TNRC18: variants seen among roughly 807,000 people sequenced by gnomAD.
The protein encoded by TNRC18 is trinucleotide repeat-containing gene 18 protein.
A neutral mutation model predicts 226.7 loss-of-function variants in TNRC18; 69 were observed. That is an observed-to-expected ratio of 0.30 (90% CI 0.25 to 0.37). TNRC18 has a LOEUF of 0.37. Ranked by LOEUF, TNRC18 falls within the 10% of genes least tolerant of loss-of-function variation. TNRC18 has a pLI of 1.00. For synonymous variants in TNRC18, 2,449 were observed against 1,927.6 expected, an observed-to-expected ratio of 1.27 and a Z score of -7.09; for missense variants, 4,754 against 4,256.6, an observed-to-expected ratio of 1.12 and a Z score of -3.25.
intron 2 of TNRC18, among the ~76,000 whole-genome samples, chr7:5,417,156 A>T (rs1229950433): frequency 1.4e-5 from 2 of 140,682 alleles, no homozygotes; most frequent in East Asian, 2.1e-4. Flanking sequence ...CCCTGTCTCT[A>T]AAAAAAAAAA....
At chr7:5,326,382 C>T (rs1440539849) in intron 19 of TNRC18, among the ~76,000 whole-genome samples, 3 of 152,156 alleles carry the variant, frequency 2.0e-5, no homozygotes, top group Non-Finnish European at 4.4e-5. Context: ...AACCCTAATG[C>T]ACTTACTTTA....
chr7:5,353,749 A>G (rs1792074016), intron 16 of TNRC18, among the ~76,000 whole-genome samples: 1 of 152,094 alleles, frequency 6.6e-6, no homozygotes, highest in African/African-American at 2.4e-5. Flanking sequence ...CAGATTATAA[A>G]AAATAAACAG....
rs1157994737 is a variant in TNRC18, at chr7:5,307,974, ACCTGGCCCCATGCACACG to A, written c.*114_*131del. 5.0e-6 allele frequency: 4 copies of A among 801,240 alleles called. No individual in the cohort carries two copies. In the East Asian group the frequency reaches 1.1e-4, roughly 21 times the overall value. 49.6% of individuals were successfully genotyped at this position (801,240 alleles called of 1,614,324 possible). ...CACTCACCCGGGCATCCACGTGCACACCTGGCCCCATGCACACGCCTGCAGGAGCGCTCGCATGCACAC... is the reference window on the plus strand; with the variant it reads ...CACTCACCCGGGCATCCACGTGCACACCTGCAGGAGCGCTCGCATGCACAC... On this transcript the variant is annotated 3_prime_UTR_variant, in exon 30 of 30. Coordinates refer to ENST00000430969, the MANE Select transcript of TNRC18 (RefSeq NM_001080495.3).
chr7:5,379,408 A>T (rs1779241665), intron 5 of TNRC18, among the ~76,000 whole-genome samples: 1 of 152,088 alleles, frequency 6.6e-6, no homozygotes, highest in African/African-American at 2.4e-5. Context: ...AAGAAAAAAA[A>T]AAAAAATCAA....
chr7:5,345,922 T>C (rs1235628924), intron 17 of TNRC18, 112 bp from the exon 18 acceptor site: 5 of 1,404,258 alleles, frequency 3.6e-6, no homozygotes, highest in South Asian at 1.5e-5. Flanking sequence ...CCCTCAGTCC[T>C]GAGCAGGGGG....
chr7:5,365,066 T>C (rs887620650), intron 11 of TNRC18, among the ~76,000 whole-genome samples: 7 of 152,116 alleles, frequency 4.6e-5, no homozygotes, highest in Non-Finnish European at 7.3e-5. Context: ...CACTCTTGAA[T>C]TGATGAGTTT....
At chr7:5,360,710 C>T (rs1338723559) in intron 14 of TNRC18, among the ~76,000 whole-genome samples, 1 of 151,880 alleles carries the variant, frequency 6.6e-6, no homozygotes, top group African/African-American at 2.4e-5. Context: ...CTCCGGGAAG[C>T]TCTCCCTGCC....
At chr7:5,419,617 G>T (rs1310535126) in intron 2 of TNRC18, among the ~76,000 whole-genome samples, 1 of 151,834 alleles carries the variant, frequency 6.6e-6, no homozygotes, top group Non-Finnish European at 1.5e-5. Flanking sequence ...ACAAACCCTT[G>T]CCCCGGTCAC....
chr7:5,308,842 A>ACCCCC, intron 29 of TNRC18, 33 bp downstream of exon 29: 4 of 334,798 alleles, frequency 1.2e-5, no homozygotes, highest in African/African-American at 4.4e-5. Flanking sequence ...AGCCATCCCC[A>ACCCCC]ACCCGCCCAC....
rs1364762272 is a variant in TNRC18 at position 5,376,876 on chromosome 7, A to G, written c.2579T>C (p.Val860Ala). 6.2e-7 allele frequency: 1 copy of G among 1,611,514 alleles called. No individual in the cohort carries two copies. ...GTGAGGAAGGTGATCACTGGGAATG[A>G]CCACCAGCTGGCCCGATTGGGGGTC... ...VRDPQSGQLV[V>A]IPSDHLPHFA... The change falls in exon 8 of 30, where the codon GTC becomes GCC. Residue 860 changes from valine (V) to alanine (A), a missense_variant. Physicochemically the swap from Val to Ala is moderately conservative, Grantham distance 64 (BLOSUM62 0). Coordinates refer to ENST00000430969, the MANE Select transcript of TNRC18 (RefSeq NM_001080495.3).
intron 1 of TNRC18, among the ~76,000 whole-genome samples, chr7:5,422,017 G>A (rs372567069): frequency 1.3e-3 from 191 of 152,176 alleles, no homozygotes; most frequent in African/African-American, 4.6e-3. Context: ...TTGAACCGCC[G>A]ACGGAATGGT....
chr7:5,330,547 G>C (rs1789418070), intron 19 of TNRC18, among the ~76,000 whole-genome samples: 2 of 151,948 alleles, frequency 1.3e-5, no homozygotes, highest in South Asian at 4.2e-4. Flanking sequence ...TCTGGTGCCT[G>C]TCCATATGTG....
intron 16 of TNRC18, among the ~76,000 whole-genome samples, chr7:5,353,930 C>T (rs140698543): frequency 2.6e-5 from 4 of 152,078 alleles, no homozygotes; most frequent in Admixed American, 1.3e-4. Context: ...AGACCAGGCA[C>T]GGCAGCTCAT....
rs984879209 is a variant in TNRC18 at position 5,377,412 on chromosome 7, C to G, written c.2420G>C (p.Arg807Pro). Residue 807 changes from arginine (R) to proline (P), a missense_variant, in exon 7 of 30, where the codon CGC becomes CCC. Arg to Pro is a moderately radical substitution (Grantham distance 103). Coordinates refer to ENST00000430969, the MANE Select transcript of TNRC18 (RefSeq NM_001080495.3). The surrounding 1 kb of genome is among the most constrained non-coding windows in gnomAD (Gnocchi z 5.8). ...AHLATHPWLP[R>P]SGNASMWLAG... ...GAGCCACATGGATGCGTTGCCCGAG[C>G]GGGGCAACCAGGGGTGCGTGGCCAG... is the stretch of plus-strand genomic sequence containing the variant. 1.3e-6 allele frequency: 2 copies of G among 1,595,732 alleles called. No individual in the cohort carries two copies. Among genetic ancestry groups the G allele is most frequent in the African/African-American group, 1.3e-5 (1 of 74,508 alleles).
intron 2 of TNRC18, among the ~76,000 whole-genome samples, chr7:5,400,438 C>T (rs980388875): frequency 6.6e-6 from 1 of 151,890 alleles, no homozygotes; most frequent in Non-Finnish European, 1.5e-5. Flanking sequence ...GGTGAAACTC[C>T]GTCTCTATTT....
chr7:5,325,342 T>A, intron 19 of TNRC18, 94 bp from the exon 20 acceptor site: 2 of 1,427,860 alleles, frequency 1.4e-6, no homozygotes, highest in Non-Finnish European at 1.9e-6. Flanking sequence ...CCAAGTTCTG[T>A]GCCACCCCAA....
At chr7:5,317,876 T>C (rs866399570) in intron 24 of TNRC18, among the ~76,000 whole-genome samples, 9 of 137,584 alleles carry the variant, frequency 6.5e-5, no homozygotes, top group Admixed American at 1.6e-4. Context: ...TGGATAATAA[T>C]TTTTTTTTTT....
chr7:5,353,675 T>C (rs567905805), intron 16 of TNRC18, among the ~76,000 whole-genome samples: 303 of 151,988 alleles, frequency 2.0e-3, no homozygotes, highest in African/African-American at 7.0e-3. Context: ...AGCAACTCCC[T>C]GCTGGACACA....
Position 5,410,972 on chromosome 7 carries a change from G to A in TNRC18, c.187+10088C>T, listed in dbSNP as rs146401349. 8.1e-3 allele frequency among the ~76,000 whole-genome samples: 1,224 copies of A among 151,578 alleles called. 20 individuals carry two copies. Among genetic ancestry groups the A allele is most frequent in the African/African-American group, 0.027 (1,130 of 41,342 alleles). ...TGTAATCCCAGCACTTTGGGAGGCC[G>A]AGGCAGGTGGATCACTTGAGGTCAG... On this transcript the variant is annotated intron_variant, in intron 2 of 29. Transcript: ENST00000430969.
Sources: gnomAD v4.1 joint callset for allele counts (sites outside exome capture counted in the v4.1 genomes callset) on GRCh38, gnomAD v4.1.1 for gene constraint, Gnocchi (gnomAD v3.1) non-coding constraint, MANE v1.5 for transcripts, NCBI Gene and HGNC (gene_info 2026-07-23, HGNC 2026-07-21) for gene names.